Variants in ZCCHC24 observed in about 807,000 individuals in gnomAD.
The protein encoded by ZCCHC24 is zinc finger CCHC domain-containing protein 24.
Under a neutral mutation model 26.2 loss-of-function variants are expected in ZCCHC24, and 10 were observed. The ratio of observed to expected loss-of-function variants is 0.38; its 90% confidence interval spans 0.24 to 0.65. ZCCHC24 has a LOEUF of 0.65. Among genes scored for constraint, ZCCHC24 ranks in the 30% least tolerant of loss-of-function variants. ZCCHC24 has a pLI of 0.54. For missense variants in ZCCHC24, 243 were observed against 329.1 expected, an observed-to-expected ratio of 0.74 and a Z score of 2.03; for synonymous variants, 144 against 147.1, an observed-to-expected ratio of 0.98 and a Z score of 0.15.
chr10:79,414,386 CT>C (rs1564636211), intron 2 of ZCCHC24, among the ~76,000 whole-genome samples: 1 of 152,206 alleles, frequency 6.6e-6, no homozygotes, highest in Non-Finnish European at 1.5e-5. Flanking sequence ...GAAGCACGTA[CT>C]TGAGGTATAC....
intron 1 of ZCCHC24, among the ~76,000 whole-genome samples, chr10:79,434,917 A>G (rs1857194391): frequency 6.6e-6 from 1 of 151,750 alleles, no homozygotes; most frequent in Non-Finnish European, 1.5e-5. Flanking sequence ...CCCAATCTGT[A>G]TTTTTCAAGC....
At chr10:79,387,561 G>T (rs1334002058) in intron 3 of ZCCHC24, among the ~76,000 whole-genome samples, 1 of 152,174 alleles carries the variant, frequency 6.6e-6, no homozygotes, top group South Asian at 2.1e-4. Context: ...CTGCAGAAGG[G>T]TCCCCTGCAT....
intron 2 of ZCCHC24, among the ~76,000 whole-genome samples, chr10:79,400,360 C>G (rs898699719): frequency 6.6e-6 from 1 of 152,146 alleles, no homozygotes; most frequent in Non-Finnish European, 1.5e-5. Flanking sequence ...CCCTAAATTA[C>G]GTTATACCCT....
chr10:79,423,708 A>G (rs1383584220), intron 2 of ZCCHC24, among the ~76,000 whole-genome samples: 5 of 149,800 alleles, frequency 3.3e-5, no homozygotes, highest in African/African-American at 1.2e-4. Flanking sequence ...TAAAATAAAT[A>G]CAAATAGGCA....
intron 2 of ZCCHC24, among the ~76,000 whole-genome samples, chr10:79,428,660 GA>G (rs1205455653): frequency 5.3e-5 from 8 of 151,730 alleles, no homozygotes; most frequent in African/African-American, 1.7e-4. Context: ...ATAAATAATA[GA>G]AAAAAATAGA....
chr10:79,406,134 C>T (rs565826177), intron 2 of ZCCHC24, among the ~76,000 whole-genome samples: 1 of 152,222 alleles, frequency 6.6e-6, no homozygotes, highest in Non-Finnish European at 1.5e-5. Context: ...CGCACACAAC[C>T]TGTAGGTAGC....
rs1490485695 is a variant in ZCCHC24 at position 79,384,636 on chromosome 10, C to A, written c.*1709G>T. The stretch of plus-strand genomic sequence containing the variant: ...GCCCCTCAAATCCACCCTGCAGCTC[C>A]CTGGCTGCAAATACACTCACTCCAT... On this transcript the variant is annotated 3_prime_UTR_variant, in exon 4 of 4. Transcript: ENST00000372336. 1 of 152,734 alleles carries A rather than the reference C, an allele frequency of 6.5e-6. No individual in the cohort carries two copies. The highest frequency in any genetic ancestry group is 1.5e-5 in the Non-Finnish European group (1 of 68,098). The allele number at this position is 152,734 out of a possible 1,614,324, so 9.5% of individuals were successfully genotyped here. A position where few individuals can be genotyped will look rare whatever the true frequency, so the allele number is the denominator to read the frequency against.
intron 2 of ZCCHC24, among the ~76,000 whole-genome samples, chr10:79,400,255 C>T (rs1043782120): frequency 3.3e-5 from 5 of 152,188 alleles, no homozygotes; most frequent in Admixed American, 1.3e-4. Flanking sequence ...ATCAGACATG[C>T]GGACAAAAGG....
intron 2 of ZCCHC24, among the ~76,000 whole-genome samples, chr10:79,423,595 A>ATATATAC (rs1856983459): frequency 1.8e-5 from 1 of 55,566 alleles, no homozygotes; most frequent in Non-Finnish European, 4.3e-5. Flanking sequence ...ATATATATAT[A>ATATATAC]TATATATATA....
chr10:79,407,603 C>T (rs957697756), intron 2 of ZCCHC24, among the ~76,000 whole-genome samples: 3 of 152,154 alleles, frequency 2.0e-5, no homozygotes, highest in Non-Finnish European at 4.4e-5. Flanking sequence ...CCTAGGGAGC[C>T]ACCGCCCCAG....
In ZCCHC24 at chr10:79,386,027, C is replaced by T; in HGVS notation, c.*318G>A. On this transcript the variant is annotated 3_prime_UTR_variant, in exon 4 of 4. Transcript: ENST00000372336. Reference sequence around the variant, plus strand: ...AGGCTGCTCACCCCAAAGAGGCTCTCAGAGGCGAGCCTGTGGGGACACCCA... The same window carrying T: ...AGGCTGCTCACCCCAAAGAGGCTCTTAGAGGCGAGCCTGTGGGGACACCCA... 1.9e-6 allele frequency: 1 copy of T among 522,014 alleles called. No individual in the cohort carries two copies. The highest frequency in any genetic ancestry group is 3.4e-6 in the Non-Finnish European group (1 of 291,138). 32.3% of individuals were successfully genotyped at this position (522,014 alleles called of 1,614,324 possible).
At chr10:79,428,583 G>C (rs1429069992) in intron 2 of ZCCHC24, among the ~76,000 whole-genome samples, 2 of 152,010 alleles carry the variant, frequency 1.3e-5, no homozygotes, top group Non-Finnish European at 2.9e-5. Context: ...GGTTAAGATG[G>C]TAAATTTTAT....
intron 2 of ZCCHC24, among the ~76,000 whole-genome samples, chr10:79,411,172 T>C (rs1389102202): frequency 6.6e-6 from 1 of 152,178 alleles, no homozygotes; most frequent in Non-Finnish European, 1.5e-5. Flanking sequence ...CCTATAAACC[T>C]GTCATGTGAG....
rs763441255 is a variant in ZCCHC24 at position 79,394,467 on chromosome 10, G to A, written c.448-27C>T. On this transcript the variant is annotated intron_variant, in intron 2 of 3. Coordinates refer to ENST00000372336, the MANE Select transcript of ZCCHC24 (RefSeq NM_153367.4). ...TACAGGGCAGGAAGCAAACACAGGG[G>A]ATTGGAGTCCAAAGGCCAAGATGAT... is the stretch of plus-strand genomic sequence containing the variant. 1.0e-5 allele frequency: 16 copies of A among 1,606,970 alleles called. No homozygotes were observed. The South Asian group carries it at 1.5e-4, about 16-fold the overall frequency.
intron 2 of ZCCHC24, among the ~76,000 whole-genome samples, chr10:79,417,861 G>T (rs925720806): frequency 1.3e-5 from 2 of 152,114 alleles, no homozygotes; most frequent in Non-Finnish European, 2.9e-5. Context: ...AGTGGGGGCG[G>T]TGTGTTGAGG....
intron 3 of ZCCHC24, 138 bp downstream of exon 3, chr10:79,394,138 C>A: frequency 8.1e-7 from 1 of 1,239,332 alleles, no homozygotes; most frequent in South Asian, 1.6e-5. Flanking sequence ...TCCCTTCCCT[C>A]CCATTTCAGA....
chr10:79,404,588 G>A (rs933289324), intron 2 of ZCCHC24, among the ~76,000 whole-genome samples: 1 of 152,186 alleles, frequency 6.6e-6, no homozygotes, highest in Admixed American at 6.5e-5. Context: ...GGACTATTGA[G>A]TTTGAAAACC....
chr10:79,392,385 G>A (rs1179588654), intron 3 of ZCCHC24, among the ~76,000 whole-genome samples: 1 of 152,182 alleles, frequency 6.6e-6, no homozygotes, highest in African/African-American at 2.4e-5. Flanking sequence ...CAGCCCGCTT[G>A]TCTCCCATTC....
intron 2 of ZCCHC24, among the ~76,000 whole-genome samples, chr10:79,404,395 C>G (rs529679494): frequency 6.6e-6 from 1 of 152,130 alleles, no homozygotes; most frequent in Admixed American, 6.5e-5. Context: ...GCAAACCACA[C>G]GGATCAGAGC....
Sources: allele counts gnomAD v4.1 joint callset (sites outside exome capture counted in the v4.1 genomes callset), GRCh38; gene constraint gnomAD v4.1.1; transcripts MANE v1.5; gene names NCBI Gene and HGNC (gene_info 2026-07-23, HGNC 2026-07-21).